Variants in C3orf70 observed in about 807,000 individuals in gnomAD.
C3orf70 encodes the protein chromosome 3 open reading frame 70.
Under a neutral mutation model 20.7 loss-of-function variants are expected in C3orf70, and 15 were observed. The observed-to-expected ratio is 0.72, with a 90% confidence interval of 0.48 to 1.11. The LOEUF is 1.11. C3orf70 is among the 50% of genes most tolerant of loss of function. C3orf70 has a pLI of 0.00. For synonymous variants in C3orf70, 161 were observed against 125.7 expected (o/e 1.28, Z -1.88); for missense variants, 332 against 317.6 (o/e 1.05, Z -0.34).
chr3:185,143,241 T>C (rs971671089), intron 1 of C3orf70, among the ~76,000 whole-genome samples: 3 of 152,106 alleles, frequency 2.0e-5, no homozygotes, highest in Admixed American at 6.6e-5. Context: ...TCTAAATGTA[T>C]TGGGGGGAAA....
chr3:185,093,813 A>G (rs1421229302), intron 1 of C3orf70, among the ~76,000 whole-genome samples: 2 of 152,066 alleles, frequency 1.3e-5, no homozygotes, highest in Non-Finnish European at 2.9e-5. Context: ...AGGGATGGTG[A>G]GGTGACTGGC....
chr3:185,085,756 T>G (rs1464562759), intron 1 of C3orf70, among the ~76,000 whole-genome samples: 2 of 152,150 alleles, frequency 1.3e-5, no homozygotes, highest in Non-Finnish European at 2.9e-5. Context: ...CTGTGGACAC[T>G]ATCGGCTGAA....
At chr3:185,095,556 T>C (rs1336655573) in intron 1 of C3orf70, among the ~76,000 whole-genome samples, 2 of 152,160 alleles carry the variant, frequency 1.3e-5, no homozygotes, top group Non-Finnish European at 2.9e-5. Flanking sequence ...CAAGTCAGCC[T>C]GATTTAAGAA....
chr3:185,102,570 C>T (rs547616802), intron 1 of C3orf70, among the ~76,000 whole-genome samples: 7 of 152,244 alleles, frequency 4.6e-5, no homozygotes, highest in African/African-American at 1.7e-4. Context: ...TTAAAATGCA[C>T]TGGAACCAAA....
At chr3:185,135,575 C>T (rs576711683) in intron 1 of C3orf70, among the ~76,000 whole-genome samples, 4 of 152,240 alleles carry the variant, frequency 2.6e-5, no homozygotes, top group African/African-American at 4.8e-5. Flanking sequence ...TTCTGATGTT[C>T]GATAGCAGAG....
At chr3:185,141,506 T>C (rs1454153045) in intron 1 of C3orf70, among the ~76,000 whole-genome samples, 1 of 151,986 alleles carries the variant, frequency 6.6e-6, no homozygotes, top group African/African-American at 2.4e-5. Flanking sequence ...AAACTGAAAA[T>C]AGATGTCCTT....
intron 1 of C3orf70, among the ~76,000 whole-genome samples, chr3:185,125,969 T>C (rs929872690): frequency 1.3e-5 from 2 of 152,110 alleles, no homozygotes; most frequent in South Asian, 2.1e-4. Flanking sequence ...TTTGATGATA[T>C]GATAGTTACA....
At position 185,082,786 on chromosome 3, in the gene C3orf70, AAAGT is replaced by A; in HGVS notation, c.*217_*220del. ...ATTCATGACACCAGATGCTACATAG[AAAGT>A]AAGTCAGGATACAAAAGAAAACTGT... On this transcript the variant is annotated 3_prime_UTR_variant, in exon 2 of 2. Transcript: ENST00000335012. The A allele has an allele frequency of 5.8e-6, 3 of 520,586 alleles. No individual in the cohort carries two copies. The highest frequency in any genetic ancestry group is 3.1e-5 in the East Asian group (1 of 32,130). The allele number at this position is 520,586 out of a possible 1,614,324, so 32.2% of individuals were successfully genotyped here. A position where few individuals can be genotyped will look rare whatever the true frequency, so the allele number is the denominator to read the frequency against.
chr3:185,109,323 T>C (rs566654613), intron 1 of C3orf70, among the ~76,000 whole-genome samples: 1 of 152,226 alleles, frequency 6.6e-6, no homozygotes, highest in African/African-American at 2.4e-5. Context: ...AATAATAACT[T>C]GGGGTAGAGG....
At chr3:185,130,952 T>C (rs1051824860) in intron 1 of C3orf70, among the ~76,000 whole-genome samples, 3 of 152,248 alleles carry the variant, frequency 2.0e-5, no homozygotes, top group Admixed American at 6.5e-5. Flanking sequence ...TATGGACATA[T>C]GTTTCATTTA....
chr3:185,127,720 G>GT (rs1323738779), intron 1 of C3orf70, among the ~76,000 whole-genome samples: 1 of 152,010 alleles, frequency 6.6e-6, no homozygotes, highest in Non-Finnish European at 1.5e-5. Flanking sequence ...GATTACAGGC[G>GT]TGAGCCACCA....
At position 185,082,321 on chromosome 3, in the gene C3orf70, GC is replaced by G. The variant is rs1361805125; in HGVS notation, c.*685del. On this transcript the variant is annotated 3_prime_UTR_variant, in exon 2 of 2. Transcript: ENST00000335012. ...CCACAGCCCCCTGCAGGGGACAGGT[GC>G]TCAGCTAAGGCTGGATTGAGCATGA... 6.6e-6 allele frequency: 1 copy of G among 152,374 alleles called. No individual in the cohort carries two copies. Among genetic ancestry groups the G allele is most frequent in the Non-Finnish European group, 1.5e-5 (1 of 68,212 alleles). The allele number at this position is 152,374 out of a possible 1,614,324, so 9.4% of individuals were successfully genotyped here.
intron 1 of C3orf70, among the ~76,000 whole-genome samples, chr3:185,123,136 G>A (rs966162228): frequency 6.0e-5 from 8 of 132,660 alleles, no homozygotes; most frequent in Admixed American, 1.7e-4. Flanking sequence ...CCAAGATCGC[G>A]CCACTGCACT....
chr3:185,102,971 G>GC (rs1250831997), intron 1 of C3orf70, among the ~76,000 whole-genome samples: 12 of 152,110 alleles, frequency 7.9e-5, no homozygotes, highest in African/African-American at 2.9e-4. Context: ...GCCAGGCATG[G>GC]CAGTGGCTCA....
intron 1 of C3orf70, among the ~76,000 whole-genome samples, chr3:185,144,989 A>C (rs1400705895): frequency 6.6e-6 from 1 of 152,210 alleles, no homozygotes; most frequent in Non-Finnish European, 1.5e-5. Flanking sequence ...GTCACCCTGC[A>C]AACAATAAGA....
At position 185,079,313 on chromosome 3, in the gene C3orf70, A is replaced by G. The variant is rs967388133; in HGVS notation, c.*3694T>C. ...AAAAAAAAAAAAAAAAAGTAAAGCCACCACTCCCAAGATAGAATCAAATCC... is the reference window on the plus strand; with the variant it reads ...AAAAAAAAAAAAAAAAAGTAAAGCCGCCACTCCCAAGATAGAATCAAATCC... On this transcript the variant is annotated 3_prime_UTR_variant, in exon 2 of 2. Coordinates refer to ENST00000335012, the MANE Select transcript of C3orf70 (RefSeq NM_001025266.3). 2 of 148,540 alleles carry G rather than the reference A, an allele frequency of 1.3e-5. No individual in the cohort carries two copies. The highest frequency in any genetic ancestry group is 2.5e-5 in the African/African-American group (1 of 40,340). 9.2% of individuals were successfully genotyped at this position (148,540 alleles called of 1,614,324 possible).
At chr3:185,137,020 A>T (rs925830256) in intron 1 of C3orf70, among the ~76,000 whole-genome samples, 5 of 152,306 alleles carry the variant, frequency 3.3e-5, no homozygotes, top group South Asian at 2.1e-4. Context: ...AACCCCTCTG[A>T]TATGGTTTGG....
intron 1 of C3orf70, among the ~76,000 whole-genome samples, chr3:185,098,320 T>C (rs570039768): frequency 6.6e-6 from 1 of 152,336 alleles, no homozygotes; most frequent in South Asian, 2.1e-4. Flanking sequence ...TAATCCCCAA[T>C]TGGGGAATAC....
At chr3:185,096,069 T>C (rs1034373493) in intron 1 of C3orf70, among the ~76,000 whole-genome samples, 1 of 152,140 alleles carries the variant, frequency 6.6e-6, no homozygotes, top group South Asian at 2.1e-4. Context: ...AATAAACACA[T>C]TCAAGTATCA....
Sources: allele counts gnomAD v4.1 joint callset (sites outside exome capture counted in the v4.1 genomes callset), GRCh38; gene constraint gnomAD v4.1.1; transcripts MANE v1.5; gene names NCBI Gene and HGNC (gene_info 2026-07-23, HGNC 2026-07-21).